The following DNAAF9 variants were observed in gnomAD, a reference collection of about 807,000 sequenced individuals.
DNAAF9 encodes dynein axonemal assembly factor 9.
A neutral mutation model predicts 167.0 loss-of-function variants in DNAAF9; 90 were observed. The ratio of observed to expected loss-of-function variants is 0.54; its 90% CI spans 0.45 to 0.64. The LOEUF (loss-of-function observed/expected upper bound fraction) is 0.64, where lower values mean the gene tolerates loss of function less well. Ranked by LOEUF, DNAAF9 falls within the 30% of genes least tolerant of loss-of-function variation. The pLI is 0.00. For missense variants in DNAAF9, 1,315 were observed against 1,442.2 expected (o/e 0.91, Z 1.43); for synonymous variants, 491 against 508.8 (o/e 0.96, Z 0.47).
chr20:3,360,288 AG>A (rs2083343524), intron 6 of DNAAF9: 8 of 152,230 alleles, frequency 5.3e-5, no homozygotes, highest in African/African-American at 1.7e-4. Flanking sequence ...CTTCTGGCAA[AG>A]ATGTAGTTCT....
At chr20:3,399,912 C>T (rs2083960599) in intron 1 of DNAAF9, among the ~76,000 whole-genome samples, 2 of 152,142 alleles carry the variant, frequency 1.3e-5, no homozygotes, top group African/African-American at 4.8e-5. Flanking sequence ...CCTGATAGGC[C>T]ACCTTATCTA....
intron 6 of DNAAF9, chr20:3,359,991 T>C (rs1272835463): frequency 6.4e-6 from 1 of 155,838 alleles, no homozygotes; most frequent in East Asian, 1.9e-4. Flanking sequence ...ACTCCAACCT[T>C]TCCCAAACCC....
chr20:3,262,426 T>C (rs1448541713), intron 31 of DNAAF9, among the ~76,000 whole-genome samples: 3 of 152,028 alleles, frequency 2.0e-5, no homozygotes, highest in African/African-American at 7.2e-5. Context: ...AACTTTTGTA[T>C]TTTTAATAGA....
chr20:3,258,984 G>C (rs1206943701), intron 33 of DNAAF9, among the ~76,000 whole-genome samples: 1 of 152,178 alleles, frequency 6.6e-6, no homozygotes, highest in East Asian at 1.9e-4. Context: ...CTGGTTTTGA[G>C]GCCTTCTCTG....
chr20:3,406,053 G>A (rs772128938), intron 1 of DNAAF9, among the ~76,000 whole-genome samples: 2 of 152,144 alleles, frequency 1.3e-5, no homozygotes, highest in African/African-American at 2.4e-5. Flanking sequence ...TGACAGATTC[G>A]AAGCAATTTA....
intron 1 of DNAAF9, among the ~76,000 whole-genome samples, chr20:3,388,479 G>A (rs1479134544): frequency 1.3e-5 from 2 of 152,156 alleles, no homozygotes; most frequent in Non-Finnish European, 2.9e-5. Context: ...CCAAAGAATT[G>A]AAAGCAGGGA....
intron 29 of DNAAF9, among the ~76,000 whole-genome samples, chr20:3,274,743 A>C (rs542405166): frequency 6.6e-6 from 1 of 152,322 alleles, no homozygotes; most frequent in African/African-American, 2.4e-5. Context: ...CAGCACTGTC[A>C]ATTGAGCATC....
At chr20:3,341,620 G>C (rs549053820) in intron 9 of DNAAF9, among the ~76,000 whole-genome samples, 2 of 152,212 alleles carry the variant, frequency 1.3e-5, no homozygotes, top group African/African-American at 4.8e-5. Flanking sequence ...CTTCTCAAAA[G>C]CCTTCCTATT....
At chr20:3,260,096 C>T (rs773976624) in intron 31 of DNAAF9, 68 bp from the exon 32 acceptor site, 13 of 827,174 alleles carry the variant, frequency 1.6e-5, no homozygotes, top group East Asian at 5.4e-5. Flanking sequence ...TCCCAGCACT[C>T]TGGGAGGCCG....
chr20:3,280,389 C>T (rs947792261), intron 28 of DNAAF9, among the ~76,000 whole-genome samples: 4 of 151,864 alleles, frequency 2.6e-5, no homozygotes, highest in Non-Finnish European at 5.9e-5. Flanking sequence ...ACAGAGAAAC[C>T]CCGTCTCTAC....
intron 27 of DNAAF9, among the ~76,000 whole-genome samples, chr20:3,286,226 C>T (rs2037499445): frequency 6.6e-6 from 1 of 152,122 alleles, no homozygotes; most frequent in Admixed American, 6.6e-5. Context: ...AGGAAATTGA[C>T]TAGAGGTCCC....
At chr20:3,275,795 T>G (rs530921045) in intron 29 of DNAAF9, among the ~76,000 whole-genome samples, 1 of 152,302 alleles carries the variant, frequency 6.6e-6, no homozygotes, top group African/African-American at 2.4e-5. Flanking sequence ...GTCTGGGCTG[T>G]GAGCGAGCAG....
chr20:3,275,637 G>A (rs1319564348), intron 29 of DNAAF9, among the ~76,000 whole-genome samples: 1 of 152,240 alleles, frequency 6.6e-6, no homozygotes, highest in Non-Finnish European at 1.5e-5. Flanking sequence ...CCTGCCAAGA[G>A]GAAATGCCAT....
intron 21 of DNAAF9, among the ~76,000 whole-genome samples, chr20:3,301,178 CTTTTT>C (rs11469332): frequency 1.6e-5 from 2 of 125,152 alleles, no homozygotes; most frequent in Non-Finnish European, 3.3e-5. Context: ...TCATGCTTGG[CTTTTT>C]TTTTTTTTTT....
At chr20:3,351,720 G>A (rs2875862) in intron 7 of DNAAF9, among the ~76,000 whole-genome samples, 9,452 of 152,238 alleles carry the variant, frequency 0.062, 378 homozygotes, top group Non-Finnish European at 0.082. Context: ...TAGAATTCAC[G>A]ATAGTGTTAT....
At chr20:3,278,361 T>C (rs528170270) in intron 29 of DNAAF9, among the ~76,000 whole-genome samples, 1 of 152,290 alleles carries the variant, frequency 6.6e-6, no homozygotes, top group African/African-American at 2.4e-5. Context: ...TAGTATTAGC[T>C]GGAATGCCAG....
rs562670262 is a variant in DNAAF9 at position 3,258,117 on chromosome 20, C to T, written c.3055+1363G>A. Among the ~76,000 whole-genome samples, 10 of 144,264 alleles carry T rather than the reference C, an allele frequency of 6.9e-5. 1 individual carries two copies. The highest frequency in any genetic ancestry group is 1.5e-4 in the Non-Finnish European group (10 of 67,052). The allele number at this position is 144,264 out of a possible 152,430, so 94.6% of individuals were successfully genotyped here. A position where few individuals can be genotyped will look rare whatever the true frequency, so the allele number is the denominator to read the frequency against. On this transcript the variant is annotated intron_variant, in intron 33 of 36. Transcript: ENST00000252032. The stretch of plus-strand genomic sequence containing the variant: ...CTGACCTCAAGTGATCCTCTTGCCT[C>T]GGCCTCCCAAAGTGCTGGGATTACA...
At chr20:3,255,172 G>A (rs1482970798) in intron 35 of DNAAF9, 47 bp downstream of exon 35, 3 of 1,218,884 alleles carry the variant, frequency 2.5e-6, no homozygotes, top group African/African-American at 1.5e-5. Context: ...GGCAAGCCGA[G>A]GACAGCCCTG....
In DNAAF9 at chr20:3,340,659, A is replaced by C. The variant is rs2070064825; in HGVS notation, c.846-20T>G. On this transcript the variant is annotated intron_variant, in intron 9 of 36. Coordinates refer to ENST00000252032, the MANE Select transcript of DNAAF9 (RefSeq NM_001009984.3). ...TTAGGGCTAGAGAGGGAAGTCAAAAACATGTGATTAGAAAAGAGTTCCTGG... is the reference window on the plus strand; with the variant it reads ...TTAGGGCTAGAGAGGGAAGTCAAAACCATGTGATTAGAAAAGAGTTCCTGG... 3 of 1,613,226 alleles carry C rather than the reference A, an allele frequency of 1.9e-6. No homozygotes were observed. Among genetic ancestry groups the C allele is most frequent in the Non-Finnish European group, 2.5e-6 (3 of 1,179,296 alleles).
Sources: allele counts gnomAD v4.1 joint callset (sites outside exome capture counted in the v4.1 genomes callset), GRCh38; gene constraint gnomAD v4.1.1; transcripts MANE v1.5; gene names NCBI Gene and HGNC (gene_info 2026-07-23, HGNC 2026-07-21).